PMP22: variants seen among roughly 807,000 people sequenced by gnomAD.
The protein encoded by PMP22 is Charcot-Marie-Tooth neuropathy 1A (greatly reduced nerve conduction velocity, hereditary motor sensory neuropathy Ia).
A neutral mutation model predicts 18.9 loss-of-function variants in PMP22; 2 were observed. The observed-to-expected ratio is 0.11, with a 90% confidence interval of 0.04 to 0.33. The LOEUF is 0.33. Among genes scored for constraint, PMP22 ranks in the 10% least tolerant of loss-of-function variants. PMP22 has a pLI of 1.00. For synonymous variants in PMP22, 95 were observed against 89.2 expected, an observed-to-expected ratio of 1.07 and a Z score of -0.37; for missense variants, 169 against 202.2, an observed-to-expected ratio of 0.84 and a Z score of 1.00.
At chr17:15,255,975 T>C (rs1908791638) in intron 3 of PMP22, among the ~76,000 whole-genome samples, 2 of 152,168 alleles carry the variant, frequency 1.3e-5, no homozygotes, top group Non-Finnish European at 2.9e-5. Flanking sequence ...TCCAGATCCT[T>C]GTATTCCCTG....
At chr17:15,242,431 T>C (rs1907422897) in intron 3 of PMP22, among the ~76,000 whole-genome samples, 1 of 151,922 alleles carries the variant, frequency 6.6e-6, no homozygotes, top group Non-Finnish European at 1.5e-5. Context: ...GTTGAAAGGA[T>C]AAAAGTGGCC....
At chr17:15,231,198 A>G (rs1361639849) in intron 4 of PMP22, 118 bp from the exon 5 acceptor site, 3 of 1,004,212 alleles carry the variant, frequency 3.0e-6, no homozygotes, top group Non-Finnish European at 3.1e-6. Flanking sequence ...CTCTGGAAGG[A>G]AATCTGCTTC....
intron 3 of PMP22, among the ~76,000 whole-genome samples, chr17:15,241,489 G>A (rs933982869): frequency 1.5e-4 from 23 of 152,130 alleles, no homozygotes; most frequent in African/African-American, 5.3e-4. Context: ...TGAGGAGTAT[G>A]GCTGGTGGAG....
intron 3 of PMP22, among the ~76,000 whole-genome samples, chr17:15,240,971 T>A (rs1370315439): frequency 1.3e-5 from 2 of 152,140 alleles, no homozygotes; most frequent in Non-Finnish European, 2.9e-5. Flanking sequence ...GTTCCTAGAT[T>A]TTCACCTAAG....
chr17:15,248,697 A>T (rs755301336), intron 3 of PMP22, among the ~76,000 whole-genome samples: 4 of 152,192 alleles, frequency 2.6e-5, no homozygotes, highest in Non-Finnish European at 4.4e-5. Context: ...ACTCCACCAG[A>T]TACAAAAGAA....
chr17:15,252,453 G>C (rs1024609968), intron 3 of PMP22, among the ~76,000 whole-genome samples: 1 of 152,108 alleles, frequency 6.6e-6, no homozygotes, highest in African/African-American at 2.4e-5. Flanking sequence ...GAAAAGAAGA[G>C]TAGTAAGTGG....
intron 3 of PMP22, among the ~76,000 whole-genome samples, chr17:15,253,470 ATATTCTGCCT>A (rs1908542500): frequency 6.6e-6 from 1 of 152,300 alleles, no homozygotes; most frequent in Non-Finnish European, 1.5e-5. Flanking sequence ...AATTTCTGAT[ATATTCTGCCT>A]TATAGAGGCT....
At chr17:15,259,938 CAAAAAAAAA>C (rs61415317) in intron 2 of PMP22, among the ~76,000 whole-genome samples, 1 of 97,876 alleles carries the variant, frequency 1.0e-5, no homozygotes, top group African/African-American at 3.7e-5. Context: ...GACTCCATCT[CAAAAAAAAA>C]AAAAAAAAGA....
chr17:15,259,276 G>A (rs1909098724), intron 2 of PMP22, 83 bp from the exon 3 acceptor site: 7 of 1,122,416 alleles, frequency 6.2e-6, no homozygotes, highest in Non-Finnish European at 8.1e-6. Context: ...CCCAGGGATG[G>A]CGAAAAGCAC....
At position 15,258,939 on chromosome 17, in the gene PMP22, C is replaced by G. The variant is rs1006645392; in HGVS notation, c.178+155G>C. 1 of 696,816 alleles carries G rather than the reference C, an allele frequency of 1.4e-6. No homozygotes were observed. The highest frequency in any genetic ancestry group is 2.6e-6 in the Non-Finnish European group (1 of 379,726). 43.2% of individuals were successfully genotyped at this position (696,816 alleles called of 1,614,324 possible). A position where few individuals can be genotyped will look rare whatever the true frequency, so the allele number is the denominator to read the frequency against. ...TCCCCAGCGAGATCACCACCCCTCC[C>G]ATTTTCCCTGGACTCATGGCTCCCT... On this transcript the variant is annotated intron_variant, in intron 3 of 4. Coordinates refer to ENST00000312280, the MANE Select transcript of PMP22 (RefSeq NM_000304.4). This position sits in a 1 kb window ranked among gnomAD's most constrained non-coding sequence, Gnocchi z 4.1.
chr17:15,236,087 C>T (rs1380448747), intron 4 of PMP22, among the ~76,000 whole-genome samples: 2 of 151,278 alleles, frequency 1.3e-5, no homozygotes, highest in African/African-American at 2.4e-5. Flanking sequence ...TTTTAAAGGA[C>T]CTCAGGTGAT....
chr17:15,257,591 G>T (rs187111426), intron 3 of PMP22, among the ~76,000 whole-genome samples: 3 of 152,232 alleles, frequency 2.0e-5, no homozygotes, highest in Non-Finnish European at 4.4e-5. Flanking sequence ...GACCCTAAAG[G>T]GGGAGAAACC....
At chr17:15,260,566 A>C in intron 2 of PMP22, 84 bp downstream of exon 2, 1 of 1,126,836 alleles carries the variant, frequency 8.9e-7, no homozygotes, top group South Asian at 1.3e-5. Flanking sequence ...CAAATAACAC[A>C]GTCCTGAACC....
chr17:15,255,543 C>G (rs1908746206), intron 3 of PMP22, among the ~76,000 whole-genome samples: 1 of 152,148 alleles, frequency 6.6e-6, no homozygotes, highest in African/African-American at 2.4e-5. Flanking sequence ...ACCTCCATAC[C>G]TCTCTCAGGC....
At chr17:15,249,758 G>GA (rs1908159621) in intron 3 of PMP22, among the ~76,000 whole-genome samples, 1 of 151,878 alleles carries the variant, frequency 6.6e-6, no homozygotes, top group Non-Finnish European at 1.5e-5. Context: ...GAGGAGAGAC[G>GA]GGGGTCACCC....
rs1909063593 is a variant in PMP22, at chr17:15,258,943, T to C, written c.178+151A>G. 1 of 700,400 alleles carries C rather than the reference T, an allele frequency of 1.4e-6. No homozygotes were observed. Among genetic ancestry groups the C allele is most frequent in the South Asian group, 1.5e-5 (1 of 66,102 alleles). The allele number at this position is 700,400 out of a possible 1,614,324, so 43.4% of individuals were successfully genotyped here. A position where few individuals can be genotyped will look rare whatever the true frequency, so the allele number is the denominator to read the frequency against. ...CAGCGAGATCACCACCCCTCCCATT[T>C]TCCCTGGACTCATGGCTCCCTGTCA... is the stretch of plus-strand genomic sequence containing the variant. On this transcript the variant is annotated intron_variant, in intron 3 of 4. Coordinates refer to ENST00000312280, the MANE Select transcript of PMP22 (RefSeq NM_000304.4). The surrounding 1 kb of genome is among the most constrained non-coding windows in gnomAD (Gnocchi z 4.1).
At chr17:15,249,135 G>C (rs990675350) in intron 3 of PMP22, among the ~76,000 whole-genome samples, 1 of 152,136 alleles carries the variant, frequency 6.6e-6, no homozygotes, top group African/African-American at 2.4e-5. Context: ...ACCAATGCCC[G>C]TTTACAAGCA....
chr17:15,234,453 G>A (rs1490786028), intron 4 of PMP22, among the ~76,000 whole-genome samples: 1 of 152,176 alleles, frequency 6.6e-6, no homozygotes, highest in Non-Finnish European at 1.5e-5. Flanking sequence ...GGTGGTCACT[G>A]GAAGGTGCAG....
rs1257161830 is a variant in PMP22 at position 15,261,893 on chromosome 17, C to G, written c.-34-1132G>C. The G allele has an allele frequency of 6.6e-6, 1 of 152,204 alleles. No individual in the cohort carries two copies. The highest frequency in any genetic ancestry group is 1.5e-5 in the Non-Finnish European group (1 of 68,034). The allele number at this position is 152,204 out of a possible 1,614,324, so 9.4% of individuals were successfully genotyped here. On this transcript the variant is annotated intron_variant, in intron 1 of 4. Transcript: ENST00000312280. This position sits in a 1 kb window ranked among gnomAD's most constrained non-coding sequence, Gnocchi z 5.2. ...GACCATTTTAGGCAGAGTCTTGGGCCAGGGAGACAACGTTTCAATAACCCA... is the reference window on the plus strand; with the variant it reads ...GACCATTTTAGGCAGAGTCTTGGGCGAGGGAGACAACGTTTCAATAACCCA...
Sources: allele counts gnomAD v4.1 joint callset (sites outside exome capture counted in the v4.1 genomes callset), GRCh38; gene constraint gnomAD v4.1.1; non-coding constraint Gnocchi (gnomAD v3.1); transcripts MANE v1.5; gene names NCBI Gene and HGNC (gene_info 2026-07-23, HGNC 2026-07-21).